MCM3AP: variants seen among roughly 807,000 people sequenced by gnomAD.
MCM3AP encodes germinal-center associated nuclear protein.
In MCM3AP, 126 loss-of-function variants were observed where a neutral mutation model predicts 184.1. That is an observed-to-expected ratio of 0.68 (90% CI 0.59 to 0.79). The LOEUF is 0.79. Among genes scored for constraint, MCM3AP ranks in the 30% least tolerant of loss-of-function variants. MCM3AP has a pLI of 0.00. For missense variants in MCM3AP, 2,496 were observed against 2,479.2 expected (o/e 1.01, Z -0.14); for synonymous variants, 1,002 against 979.3 (o/e 1.02, Z -0.43).
chr21:46,269,226 A>G (rs1158980352), intron 9 of MCM3AP, among the ~76,000 whole-genome samples: 3 of 151,666 alleles, frequency 2.0e-5, no homozygotes, highest in Non-Finnish European at 2.9e-5. Flanking sequence ...CGATCCTCCC[A>G]CCTCAGCCTC....
At chr21:46,279,848 T>C (rs1050125314) in intron 4 of MCM3AP, 145 bp downstream of exon 4, 4 of 683,934 alleles carry the variant, frequency 5.8e-6, no homozygotes, top group Non-Finnish European at 9.0e-6. Context: ...GCAGAGCCCC[T>C]GCCCCTCCAC....
intron 3 of MCM3AP, 108 bp from the exon 4 acceptor site, chr21:46,280,245 G>A (rs2081315031): frequency 1.6e-6 from 2 of 1,246,938 alleles, no homozygotes; most frequent in Non-Finnish European, 2.3e-6. Flanking sequence ...TGTCACAGGA[G>A]GTTAGAGAAG....
rs1047246890 is a variant in MCM3AP, at chr21:46,242,871, T to C, written c.5357A>G (p.Tyr1786Cys). The change falls in exon 25 of 28, where the codon TAT becomes TGT. Residue 1786 changes from tyrosine (Y) to cysteine (C), a missense_variant. Around this residue, in one of 5 missense-constraint regions of MCM3AP, gnomAD observed 1,323 missense variants for 1,273.4 expected, o/e 1.04. Coordinates refer to ENST00000291688, the MANE Select transcript of MCM3AP (RefSeq NM_003906.5). ...VYFFKNDLKK[Y>C]DVPLSWEQAR... is the part of the protein sequence containing the mutation. ...TTGTTCCCACGACAAAGGAACATCA[T>C]ATTTTTTCAAATCGTTTTTAAAAAA... 1.8e-5 allele frequency: 29 copies of C among 1,613,528 alleles called. No individual in the cohort carries two copies. The highest frequency in any genetic ancestry group is 2.5e-5 in the Non-Finnish European group (29 of 1,179,732).
chr21:46,273,119 C>G (rs575968329), intron 7 of MCM3AP, among the ~76,000 whole-genome samples: 1 of 151,978 alleles, frequency 6.6e-6, no homozygotes, highest in Non-Finnish European at 1.5e-5. Context: ...GGACTACAGG[C>G]GTGTGCCACC....
chr21:46,255,132 G>A lies in MCM3AP; in HGVS notation c.3933-288C>T, dbSNP rs141633657. On this transcript the variant is annotated intron_variant, in intron 17 of 27. Transcript: ENST00000291688. ...CTGGCATGTGTGAGGTGTCGGCACT[G>A]TGGGCAAATGCTGCCAGGTGGGGCT... Among the ~76,000 whole-genome samples, 3 of 152,340 alleles carry A rather than the reference G, an allele frequency of 2.0e-5. No homozygotes were observed. The East Asian group carries it at 5.8e-4, about 29-fold the overall frequency.
chr21:46,254,707 G>A, intron 18 of MCM3AP, 69 bp downstream of exon 18: 1 of 1,482,478 alleles, frequency 6.7e-7, no homozygotes, highest in East Asian at 2.3e-5. Flanking sequence ...CATGAAGGGG[G>A]CTGCCAGTGT....
chr21:46,263,141 A>T (rs919559906), intron 13 of MCM3AP, among the ~76,000 whole-genome samples: 8 of 151,082 alleles, frequency 5.3e-5, no homozygotes, highest in African/African-American at 1.5e-4. Context: ...CATCCTGGCT[A>T]ATAATGGTGA....
intron 9 of MCM3AP, 35 bp from the exon 10 acceptor site, chr21:46,267,177 C>T (rs781676727): frequency 3.0e-5 from 48 of 1,597,184 alleles, no homozygotes; most frequent in Admixed American, 8.6e-5. Context: ...CAGTCTCAGA[C>T]GAAGGCCCAG....
upstream of MCM3AP, chr21:46,285,916 G>A (rs796508763): frequency 2.4e-4 from 36 of 152,726 alleles, no homozygotes; most frequent in East Asian, 7.7e-4. Flanking sequence ...ACGAAGCTGA[G>A]GCCTCTCGGC....
At chr21:46,273,297 A>G in intron 7 of MCM3AP, 91 bp downstream of exon 7, 1 of 1,249,942 alleles carries the variant, frequency 8.0e-7, no homozygotes, top group South Asian at 1.4e-5. Flanking sequence ...TTTTTGTTAC[A>G]GATAAAATAT....
At chr21:46,251,405 T>C in intron 20 of MCM3AP, 124 bp downstream of exon 20, 1 of 767,956 alleles carries the variant, frequency 1.3e-6, no homozygotes, top group South Asian at 2.6e-5. Context: ...TACTTGCTTC[T>C]GAGCCTCCCA....
chr21:46,270,288 G>T, intron 9 of MCM3AP, 113 bp downstream of exon 9: 5 of 1,004,754 alleles, frequency 5.0e-6, no homozygotes, highest in Non-Finnish European at 7.4e-6. Flanking sequence ...CTGCAAGGGT[G>T]ACACAGCATC....
Position 46,235,553 on chromosome 21 carries a change from G to A in MCM3AP, c.5785-127C>T, listed in dbSNP as rs2080506817. 1.2e-5 allele frequency: 9 copies of A among 746,788 alleles called. No homozygotes were observed. In the Admixed American group the frequency reaches 1.9e-4, roughly 16 times the overall value. 46.3% of individuals were successfully genotyped at this position (746,788 alleles called of 1,614,324 possible). On this transcript the variant is annotated intron_variant, in intron 27 of 27. Transcript: ENST00000291688. ...GAGTAGTCATTTATTTTTACAGAGG[G>A]AAAAAAATTATCCTTTGTATATCCT...
intron 1 of MCM3AP, 61 bp from the exon 2 acceptor site, chr21:46,283,899 A>C (rs541763839): frequency 1.3e-6 from 2 of 1,557,718 alleles, no homozygotes; most frequent in African/African-American, 2.7e-5. Flanking sequence ...GGAGGCACCA[A>C]CTGTGTCGAA....
intron 20 of MCM3AP, chr21:46,249,584 A>T (rs1168308415): frequency 2.2e-6 from 1 of 451,282 alleles, no homozygotes; most frequent in Non-Finnish European, 4.4e-6. Flanking sequence ...TCTTTCCCCC[A>T]GCTTAAGGTA....
chr21:46,266,000 G>C lies in MCM3AP; in HGVS notation c.2956C>G (p.Gln986Glu). Residue 986 changes from glutamine to glutamate, a missense_variant, in exon 11 of 28, where the codon CAG becomes GAG. Gln to Glu is a conservative substitution (Grantham distance 29, BLOSUM62 2). This residue lies in a region of MCM3AP where 1,323 missense variants were observed against 1,273.4 expected (regional missense o/e 1.04). Coordinates refer to ENST00000291688, the MANE Select transcript of MCM3AP (RefSeq NM_003906.5). ...RHTPVCSFNS[Q>E]NKYIGESLAA... is the part of the protein sequence containing the mutation. ...AGGCTCTCCCCGATGTACTTGTTCT[G>C]GGAGTTGAAGCTGCACACAGGGGTA... 1.9e-6 allele frequency: 3 copies of C among 1,609,024 alleles called. No individual in the cohort carries two copies. The highest frequency in any genetic ancestry group is 2.5e-6 in the Non-Finnish European group (3 of 1,177,414).
intron 27 of MCM3AP, 40 bp downstream of exon 27, chr21:46,236,789 T>A: frequency 7.1e-7 from 1 of 1,413,376 alleles, no homozygotes; most frequent in Non-Finnish European, 9.5e-7. Context: ...TCTCAATCTT[T>A]AATTCTTATG....
intron 15 of MCM3AP, 31 bp from the exon 16 acceptor site, chr21:46,259,122 C>T: frequency 6.3e-7 from 1 of 1,585,382 alleles, no homozygotes; most frequent in Non-Finnish European, 8.6e-7. Context: ...ATGGAAGACA[C>T]TGCACTTGGG....
In MCM3AP at chr21:46,283,539, A is replaced by G. The variant is rs2081359231; in HGVS notation, c.1443+76T>C. 3 of 928,332 alleles carry G rather than the reference A, an allele frequency of 3.2e-6. No homozygotes were observed. In the East Asian group the frequency reaches 7.4e-5, roughly 23 times the overall value. The allele number at this position is 928,332 out of a possible 1,614,324, so 57.5% of individuals were successfully genotyped here. On this transcript the variant is annotated intron_variant, in intron 2 of 27. Transcript: ENST00000291688. ...ATTATAGTAAGCAAACAACTGAGGG[A>G]CCAAAAAAAAAAAACAGGTTTTAAA...
Sources: gnomAD v4.1 joint callset for allele counts (sites outside exome capture counted in the v4.1 genomes callset) on GRCh38, gnomAD v4.1.1 for gene constraint, gnomAD v4.1.1 regional missense constraint, MANE v1.5 for transcripts, NCBI Gene and HGNC (gene_info 2026-07-23, HGNC 2026-07-21) for gene names.